The following DNAH3 variants were observed in gnomAD, a reference collection of about 807,000 sequenced individuals.
The protein encoded by DNAH3 is dynein axonemal heavy chain 3, also known as axonemal beta dynein heavy chain 3.
DNAH3 carries 332 observed loss-of-function variants against 432.5 expected under a neutral mutation model. The ratio of observed to expected loss-of-function variants is 0.77; its 90% confidence interval spans 0.70 to 0.84. DNAH3 has a LOEUF of 0.84. DNAH3 is among the 40% of genes least tolerant of loss of function. The pLI is 0.00. For missense variants in DNAH3, 4,861 were observed against 5,114.0 expected (o/e 0.95, Z 1.51); for synonymous variants, 1,956 against 1,900.2 (o/e 1.03, Z -0.76).
At chr16:20,944,451 C>T in intron 58 of DNAH3, 45 bp downstream of exon 58, 1 of 1,608,718 alleles carries the variant, frequency 6.2e-7, no homozygotes, top group Non-Finnish European at 8.5e-7. Context: ...GGATGAAGAA[C>T]TGCCTGGGAA....
At chr16:20,962,847 G>A (rs1324243781) in intron 53 of DNAH3, among the ~76,000 whole-genome samples, 1 of 152,074 alleles carries the variant, frequency 6.6e-6, no homozygotes, top group Non-Finnish European at 1.5e-5. Context: ...TTATAGCAAT[G>A]GAGGTCTCAC....
chr16:20,997,516 C>G, intron 43 of DNAH3, 54 bp from the exon 44 acceptor site: 1 of 1,584,682 alleles, frequency 6.3e-7, no homozygotes, highest in Non-Finnish European at 8.6e-7. Context: ...ATCTTCTGCT[C>G]TTACAGAGGT....
intron 40 of DNAH3, among the ~76,000 whole-genome samples, chr16:21,020,989 A>G (rs1482348668): frequency 2.6e-5 from 4 of 152,218 alleles, no homozygotes; most frequent in African/African-American, 7.2e-5. Flanking sequence ...AGAATCGCAC[A>G]GTCATTTTGT....
At chr16:21,081,118 T>C (rs868317907) in intron 20 of DNAH3, among the ~76,000 whole-genome samples, 3 of 151,992 alleles carry the variant, frequency 2.0e-5, no homozygotes, top group Middle Eastern at 3.4e-3. Flanking sequence ...GGGGTTTCAC[T>C]ATGTTGGCCA....
chr16:21,144,552 A>G (rs1476296291), intron 3 of DNAH3, among the ~76,000 whole-genome samples: 1 of 152,212 alleles, frequency 6.6e-6, no homozygotes, highest in Admixed American at 6.5e-5. Flanking sequence ...GCCCTGAGCC[A>G]GCACTACAAA....
intron 24 of DNAH3, 47 bp from the exon 25 acceptor site, chr16:21,062,730 C>CT (rs764529592): frequency 2.0e-6 from 3 of 1,511,086 alleles, no homozygotes; most frequent in Admixed American, 1.8e-5. Context: ...CTTCCAAGAA[C>CT]TTTTTCTAGC....
Position 21,050,110 on chromosome 16 carries a change from A to G in DNAH3, c.4239-92T>C, listed in dbSNP as rs926799352. The G allele has an allele frequency of 1.4e-5, 13 of 938,694 alleles. 1 individual carries two copies. Among genetic ancestry groups the G allele is most frequent in the African/African-American group, 1.1e-4 (7 of 61,016 alleles). 58.1% of individuals were successfully genotyped at this position (938,694 alleles called of 1,614,324 possible). ...TTTATTTTGACTCATACAAATATTTAGGTTAGTGCAAAAGTGATTGCAGTT... is the reference window on the plus strand; with the variant it reads ...TTTATTTTGACTCATACAAATATTTGGGTTAGTGCAAAAGTGATTGCAGTT... On this transcript the variant is annotated intron_variant, in intron 29 of 61. Coordinates refer to ENST00000261383, the Ensembl canonical transcript of DNAH3.
At chr16:20,981,725 A>AAAAT in intron 49 of DNAH3, among the ~76,000 whole-genome samples, 2 of 152,144 alleles carry the variant, frequency 1.3e-5, no homozygotes, top group South Asian at 4.2e-4. Flanking sequence ...ACTCCATCTC[A>AAAAT]AAATAAATAG....
intron 44 of DNAH3, among the ~76,000 whole-genome samples, chr16:20,991,619 T>A (rs1311378011): frequency 1.3e-5 from 2 of 152,210 alleles, no homozygotes; most frequent in Non-Finnish European, 2.9e-5. Flanking sequence ...CTCCATTCCT[T>A]TCTTACGTGT....
chr16:20,995,776 G>A (rs1224841897), intron 44 of DNAH3, among the ~76,000 whole-genome samples: 3 of 152,146 alleles, frequency 2.0e-5, no homozygotes, highest in South Asian at 2.1e-4. Flanking sequence ...GAGAAATCAC[G>A]GGGGCTAGCA....
chr16:21,003,705 GC>G (rs1184616626), intron 41 of DNAH3, among the ~76,000 whole-genome samples: 6 of 152,140 alleles, frequency 3.9e-5, no homozygotes, highest in African/African-American at 1.4e-4. Context: ...AACCCAGGAG[GC>G]CGAGGTTGCA....
At chr16:20,957,674 T>G (rs902247396) in intron 54 of DNAH3, among the ~76,000 whole-genome samples, 1 of 151,602 alleles carries the variant, frequency 6.6e-6, no homozygotes, top group African/African-American at 2.4e-5. Context: ...TAGCCATGCA[T>G]GGTGGTGCAT....
In DNAH3 at chr16:21,049,984, C is replaced by A. The variant is rs745531148; in HGVS notation, c.4273G>T (p.Gly1425Cys). Residue 1425 changes from glycine to cysteine, a missense_variant, in exon 30 of 62, where the codon GGT becomes TGT. Coordinates refer to ENST00000261383, the Ensembl canonical transcript of DNAH3. ...GTCCCAGCTGGACCCTCTGGAGCAC[C>A]CCCAAGGTTCAGCTTCAAAGCTCCC... 9 of 1,614,188 alleles carry A rather than the reference C, an allele frequency of 5.6e-6. No individual in the cohort carries two copies. The South Asian group carries it at 8.8e-5, about 16-fold the overall frequency.
At chr16:21,042,466 C>A (rs2089488700) in intron 31 of DNAH3, among the ~76,000 whole-genome samples, 1 of 152,122 alleles carries the variant, frequency 6.6e-6, no homozygotes, top group Non-Finnish European at 1.5e-5. Flanking sequence ...GTACTTGACA[C>A]ACAGTAGGTA....
chr16:21,126,583 A>G (rs994128003), intron 8 of DNAH3, among the ~76,000 whole-genome samples: 2 of 152,178 alleles, frequency 1.3e-5, no homozygotes, highest in South Asian at 4.1e-4. Flanking sequence ...CTATCTGAAT[A>G]TAAGTCATTC....
chr16:20,969,890 G>A (rs773491356), exon 52 of DNAH3: 19 of 1,614,094 alleles, frequency 1.2e-5, no homozygotes, highest in South Asian at 1.1e-5. Context: ...GTTCTGCATC[G>A]ACTTCACCAG....
chr16:21,054,263 C>T (rs1210848707), intron 28 of DNAH3, among the ~76,000 whole-genome samples, 157 bp downstream of exon 28: 1 of 152,138 alleles, frequency 6.6e-6, no homozygotes, highest in African/African-American at 2.4e-5. Context: ...TGGAGGGATG[C>T]AGAGCCCTTT....
chr16:20,949,178 T>C lies in DNAH3; in HGVS notation c.11189-541A>G, dbSNP rs911730706. ...AAAGTCTGTCACGCTGACCCACCAC[T>C]GGGCGGTTAATACTTGAGCTGTCTG... On this transcript the variant is annotated intron_variant, in intron 56 of 61. Transcript: ENST00000261383. Among the ~76,000 whole-genome samples, 20 of 144,436 alleles carry C rather than the reference T, an allele frequency of 1.4e-4. No homozygotes were observed. The Admixed American group carries it at 1.4e-3, about 10-fold the overall frequency. The allele number at this position is 144,436 out of a possible 152,430, so 94.8% of individuals were successfully genotyped here. A position where few individuals can be genotyped will look rare whatever the true frequency, so the allele number is the denominator to read the frequency against.
At chr16:21,046,926 C>G (rs1258948713) in intron 31 of DNAH3, among the ~76,000 whole-genome samples, 1 of 151,618 alleles carries the variant, frequency 6.6e-6, no homozygotes, top group African/African-American at 2.4e-5. Context: ...ATTTCTCCTT[C>G]ACTTATGAAG....
Sources: gnomAD v4.1 joint callset for allele counts (sites outside exome capture counted in the v4.1 genomes callset) on GRCh38, gnomAD v4.1.1 for gene constraint, MANE v1.5 for transcripts, NCBI Gene and HGNC (gene_info 2026-07-23, HGNC 2026-07-21) for gene names.